The following PPP1R42 variants were observed in gnomAD, a reference collection of about 807,000 sequenced individuals.
PPP1R42 encodes protein phosphatase 1 regulatory subunit 42, also known as leucine rich repeat containing 67.
PPP1R42 carries 34 observed loss-of-function variants against 31.0 expected under a neutral mutation model. The observed-to-expected ratio is 1.10, with a 90% CI of 0.83 to 1.46. PPP1R42 has a LOEUF of 1.46. Among genes scored for constraint, PPP1R42 ranks in the 40% most tolerant of loss-of-function variants. The probability of loss-of-function intolerance (pLI) is 0.00; values close to 1 mark genes in which losing one functional copy is unlikely to be tolerated. For missense variants in PPP1R42, 268 were observed against 303.0 expected (o/e 0.88, Z 0.86); for synonymous variants, 103 against 109.8 (o/e 0.94, Z 0.39).
intron 4 of PPP1R42, among the ~76,000 whole-genome samples, chr8:67,012,739 G>T (rs1431554840): frequency 6.6e-6 from 1 of 152,050 alleles, no homozygotes; most frequent in Non-Finnish European, 1.5e-5. Flanking sequence ...CATCCTTCCA[G>T]TTACCCAAAG....
At chr8:66,984,270 G>A (rs891918736) in intron 6 of PPP1R42, 17 of 1,428,004 alleles carry the variant, frequency 1.2e-5, no homozygotes, top group Non-Finnish European at 1.5e-5. Flanking sequence ...TCCGGTCTTT[G>A]GCTGTACCCT....
chr8:66,964,258 C>G lies in PPP1R42; in HGVS notation c.*63G>C. The G allele has an allele frequency of 8.1e-7, 1 of 1,228,880 alleles. No individual in the cohort carries two copies. Among genetic ancestry groups the G allele is most frequent in the South Asian group, 1.3e-5 (1 of 79,098 alleles). The allele number at this position is 1,228,880 out of a possible 1,614,324, so 76.1% of individuals were successfully genotyped here. On this transcript the variant is annotated 3_prime_UTR_variant, in exon 8 of 8. Transcript: ENST00000685739. ...TCCACAAACAAATTTTCTTTTTCTTCTGGGTTATGGAAGAGGTGAGGTTCA... is the reference window on the plus strand; with the variant it reads ...TCCACAAACAAATTTTCTTTTTCTTGTGGGTTATGGAAGAGGTGAGGTTCA...
In PPP1R42 at chr8:67,013,000, C is replaced by G; in HGVS notation, c.393G>C (p.Gly131=). Residue 131 remains glycine, a synonymous_variant, in exon 4 of 8, where the codon GGG becomes GGC. Transcript: ENST00000685739. ...TTCTTGGATCAAACAGAAGCTTTTC[C>G]CCAAGGGGAAGCCTCTGATTCTCAA... ...LHVENQRLPL[G]EKLLFDPRTL... 1 of 1,611,908 alleles carries G rather than the reference C, an allele frequency of 6.2e-7. No individual in the cohort carries two copies. The highest frequency in any genetic ancestry group is 8.5e-7 in the Non-Finnish European group (1 of 1,179,210).
At chr8:66,970,832 T>C (rs1814518493) in intron 7 of PPP1R42, 1 of 707,512 alleles carries the variant, frequency 1.4e-6, no homozygotes, top group South Asian at 1.5e-5. Flanking sequence ...ATGAACTTTT[T>C]TTTTCTTTCT....
chr8:66,985,103 G>A (rs1814965533), intron 6 of PPP1R42: 1 of 1,251,204 alleles, frequency 8.0e-7, no homozygotes, highest in Non-Finnish European at 1.2e-6. Context: ...TCCTTCCTAG[G>A]AGCAATAAGG....
chr8:67,003,839 C>T (rs1172622171), intron 5 of PPP1R42, among the ~76,000 whole-genome samples: 2 of 152,066 alleles, frequency 1.3e-5, no homozygotes, highest in Non-Finnish European at 2.9e-5. Flanking sequence ...GCCTGTAATC[C>T]CAGCACTTTG....
At chr8:66,986,173 G>C (rs112497113) in intron 6 of PPP1R42, 2 of 611,958 alleles carry the variant, frequency 3.3e-6, no homozygotes, top group Non-Finnish European at 3.1e-6. Context: ...GCTTTTCACT[G>C]TCTTCTCACC....
At chr8:66,995,852 A>G (rs1471243423) in intron 5 of PPP1R42, among the ~76,000 whole-genome samples, 1 of 152,164 alleles carries the variant, frequency 6.6e-6, no homozygotes, top group Non-Finnish European at 1.5e-5. Context: ...CTATTTCTAC[A>G]CACATTTATG....
At chr8:66,984,115 C>T in intron 6 of PPP1R42, 2 of 1,581,978 alleles carry the variant, frequency 1.3e-6, no homozygotes, top group Non-Finnish European at 8.7e-7. Context: ...AGGGGAGAGG[C>T]AAGGGCTTGC....
chr8:66,979,579 C>T (rs111563833), intron 7 of PPP1R42, among the ~76,000 whole-genome samples: 1 of 152,098 alleles, frequency 6.6e-6, no homozygotes, highest in African/African-American at 2.4e-5. Flanking sequence ...TTCTACTAGT[C>T]TATGTTTCTG....
At chr8:67,023,752 C>G (rs892481132) in intron 1 of PPP1R42, among the ~76,000 whole-genome samples, 1 of 151,324 alleles carries the variant, frequency 6.6e-6, no homozygotes, top group African/African-American at 2.4e-5. Context: ...TGTCTTATTG[C>G]TGATCTCAAA....
chr8:66,991,916 A>C lies in PPP1R42; in HGVS notation c.553-3399T>G, dbSNP rs574943569. Among the ~76,000 whole-genome samples, 3 of 152,262 alleles carry C rather than the reference A, an allele frequency of 2.0e-5. No homozygotes were observed. The South Asian group carries it at 6.2e-4, about 32-fold the overall frequency. On this transcript the variant is annotated intron_variant, in intron 5 of 7. Transcript: ENST00000685739. ...TCTGAGACAGAAGCCGAGATTCTGCATTTCTGCTGCTGCTGCTGGTCTAGG... is the reference window on the plus strand; with the variant it reads ...TCTGAGACAGAAGCCGAGATTCTGCCTTTCTGCTGCTGCTGCTGGTCTAGG...
intron 7 of PPP1R42, chr8:66,971,049 G>A (rs1563412361): frequency 3.3e-6 from 5 of 1,531,644 alleles, no homozygotes; most frequent in Non-Finnish European, 3.5e-6. Context: ...CATTTACAGG[G>A]TATCTCTGTA....
At chr8:66,987,816 C>T (rs147358045) in intron 6 of PPP1R42, among the ~76,000 whole-genome samples, 13 of 152,258 alleles carry the variant, frequency 8.5e-5, no homozygotes, top group Middle Eastern at 3.4e-3. Flanking sequence ...CCATAGCCTT[C>T]GTGAGAGGTC....
intron 5 of PPP1R42, among the ~76,000 whole-genome samples, chr8:66,990,292 G>A (rs960481560): frequency 6.7e-6 from 1 of 149,352 alleles, no homozygotes; most frequent in Non-Finnish European, 1.5e-5. Context: ...CTTAGAGAAC[G>A]TTAAATTAAT....
chr8:66,984,393 A>G (rs1814939501), intron 6 of PPP1R42: 1 of 1,309,254 alleles, frequency 7.6e-7, no homozygotes, highest in Non-Finnish European at 1.1e-6. Flanking sequence ...GATGCAGCAT[A>G]AGATGCTTCA....
chr8:67,008,149 G>A (rs764154921), intron 5 of PPP1R42, among the ~76,000 whole-genome samples: 2 of 151,782 alleles, frequency 1.3e-5, no homozygotes, highest in South Asian at 2.1e-4. Flanking sequence ...GTGAGCCACC[G>A]CGCCCAGCCT....
chr8:66,986,256 T>C, intron 6 of PPP1R42: 1 of 515,116 alleles, frequency 1.9e-6, no homozygotes, highest in Non-Finnish European at 3.7e-6. Flanking sequence ...CACTGATAAA[T>C]TAGGGAGAAA....
At chr8:66,988,288 A>G (rs996588008) in intron 6 of PPP1R42, 112 bp downstream of exon 6, 7 of 1,263,266 alleles carry the variant, frequency 5.5e-6, no homozygotes, top group Middle Eastern at 3.0e-4. Context: ...AAAGTTGACA[A>G]TTTTCACAGA....
Sources: allele counts gnomAD v4.1 joint callset (sites outside exome capture counted in the v4.1 genomes callset), GRCh38; gene constraint gnomAD v4.1.1; transcripts MANE v1.5; gene names NCBI Gene and HGNC (gene_info 2026-07-23, HGNC 2026-07-21).